APBA2: variants seen among roughly 807,000 people sequenced by gnomAD.
APBA2 encodes the protein amyloid beta precursor protein binding family A member 2, also known as amyloid-beta A4 precursor protein-binding family A member 2.
In APBA2, 30 loss-of-function variants were observed where a neutral mutation model predicts 75.0. The observed-to-expected ratio is 0.40, with a 90% confidence interval of 0.30 to 0.54. The LOEUF (loss-of-function observed/expected upper bound fraction) is 0.54, where lower values mean the gene tolerates loss of function less well. Ranked by LOEUF, APBA2 falls within the 20% of genes least tolerant of loss-of-function variation. The pLI is 0.49. For synonymous variants in APBA2, 444 were observed against 409.6 expected, an observed-to-expected ratio of 1.08 and a Z score of -1.01; for missense variants, 801 against 1,016.1, an observed-to-expected ratio of 0.79 and a Z score of 2.88.
chr15:29,107,222 C>A (rs1324622144), intron 12 of APBA2, among the ~76,000 whole-genome samples: 4 of 152,144 alleles, frequency 2.6e-5, no homozygotes, highest in Admixed American at 6.5e-5. Flanking sequence ...GGTGGGGCAC[C>A]CTGCATGGGT....
At chr15:29,073,858 C>A (rs1338091647) in intron 4 of APBA2, among the ~76,000 whole-genome samples, 1 of 152,166 alleles carries the variant, frequency 6.6e-6, no homozygotes, top group African/African-American at 2.4e-5. Context: ...ATATACCTAA[C>A]CTTAAATTTT....
intron 4 of APBA2, among the ~76,000 whole-genome samples, chr15:29,056,611 T>TC (rs1189985445): frequency 0.033 from 115 of 3,524 alleles, no homozygotes; most frequent in African/African-American, 0.076. Context: ...CCTCCCTCCC[T>TC]CCTTCTCTCC....
Position 29,013,273 on chromosome 15 carries a change from C to CTTTT in APBA2, c.-41+17488_-41+17491dup, listed in dbSNP as rs560518234. ...ATGTCATATAGGAAAATGAGTCATT[C>CTTTT]TTTTTTTTTTTTTTTTTTTTTTTTG... On this transcript the variant is annotated intron_variant, in intron 3 of 14. Transcript: ENST00000683413. Among the ~76,000 whole-genome samples the CTTTT allele has an allele frequency of 9.4e-3, 805 of 85,628 alleles. 4 individuals are homozygous for CTTTT. The highest frequency in any genetic ancestry group is 0.022 in the South Asian group (51 of 2,348). The allele number at this position is 85,628 out of a possible 152,430, so 56.2% of individuals were successfully genotyped here. A position where few individuals can be genotyped will look rare whatever the true frequency, so the allele number is the denominator to read the frequency against.
intron 3 of APBA2, among the ~76,000 whole-genome samples, chr15:29,005,865 A>G (rs1004566131): frequency 1.0e-5 from 1 of 95,776 alleles, no homozygotes; most frequent in African/African-American, 1.5e-4. Context: ...CTCTGTCTCA[A>G]AATAAATAAA....
intron 1 of APBA2, among the ~76,000 whole-genome samples, chr15:28,916,985 C>T (rs1174191916): frequency 6.6e-6 from 1 of 152,072 alleles, no homozygotes; most frequent in East Asian, 1.9e-4. Flanking sequence ...TGAAAGGCTT[C>T]ATTCTAAAGA....
In APBA2 at chr15:29,033,965, A is replaced by C. The variant is rs373900634; in HGVS notation, c.-40-19880A>C. On this transcript the variant is annotated intron_variant, in intron 3 of 14. Coordinates refer to ENST00000683413, the MANE Select transcript of APBA2 (RefSeq NM_001353788.2). ...GGGCGACAGAGTGAGACTCCATCTC[A>C]AAAAAAAAAAAAAAAAAAAAAAAAG... Among the ~76,000 whole-genome samples, 13 of 60,806 alleles carry C rather than the reference A, an allele frequency of 2.1e-4. No homozygotes were observed. In the African/African-American group the frequency reaches 2.8e-3, roughly 13 times the overall value. The allele number at this position is 60,806 out of a possible 152,430, so 39.9% of individuals were successfully genotyped here.
chr15:29,022,461 A>C (rs1039145697), intron 3 of APBA2, among the ~76,000 whole-genome samples: 1 of 152,164 alleles, frequency 6.6e-6, no homozygotes, highest in Non-Finnish European at 1.5e-5. Context: ...ATTTTACAAT[A>C]AGTCTTTAGT....
rs368192743 is a variant in APBA2 at position 29,114,823 on chromosome 15, CGTGT to C, written c.2178+815_2178+818del. ...GTGTGGGTGAGTGTATGCGGATGTA[CGTGT>C]GTGTGTGAGAGCATGGGGTGTGTAG... On this transcript the variant is annotated intron_variant, in intron 14 of 14. Transcript: ENST00000683413. Among the ~76,000 whole-genome samples, 131 of 143,390 alleles carry C rather than the reference CGTGT, an allele frequency of 9.1e-4. 2 individuals are homozygous for C. Among genetic ancestry groups the C allele is most frequent in the African/African-American group, 3.1e-3 (116 of 37,974 alleles). 94.1% of individuals were successfully genotyped at this position (143,390 alleles called of 152,430 possible). A position where few individuals can be genotyped will look rare whatever the true frequency, so the allele number is the denominator to read the frequency against.
At chr15:29,116,570 G>A (rs1020811796) in intron 14 of APBA2, among the ~76,000 whole-genome samples, 1 of 150,774 alleles carries the variant, frequency 6.6e-6, no homozygotes, top group Non-Finnish European at 1.5e-5. Context: ...AGAGCTTGCA[G>A]TGAGCCGAGA....
intron 3 of APBA2, among the ~76,000 whole-genome samples, chr15:28,999,978 C>A (rs2152800150): frequency 6.6e-6 from 1 of 152,254 alleles, no homozygotes; most frequent in African/African-American, 2.4e-5. Flanking sequence ...ATGTCCCAGT[C>A]AAGCAGTCAG....
chr15:29,109,651 C>T (rs1022828588), intron 13 of APBA2, among the ~76,000 whole-genome samples: 2 of 152,186 alleles, frequency 1.3e-5, no homozygotes, highest in Admixed American at 6.5e-5. Flanking sequence ...AGCTCAGCCA[C>T]GGACCCATGG....
chr15:28,925,988 T>C (rs1424504182), intron 2 of APBA2, among the ~76,000 whole-genome samples: 1 of 152,220 alleles, frequency 6.6e-6, no homozygotes, highest in African/African-American at 2.4e-5. Context: ...AAATTAATAA[T>C]GGTACTCCAA....
chr15:28,899,931 C>G (rs909050594), intron 1 of APBA2, among the ~76,000 whole-genome samples: 1 of 152,162 alleles, frequency 6.6e-6, no homozygotes, highest in Admixed American at 6.5e-5. Flanking sequence ...AGATGCTTTG[C>G]GACACAGTGG....
chr15:29,101,680 C>T lies in APBA2; in HGVS notation c.1420C>T (p.Arg474Cys), dbSNP rs1287794300. 4.3e-6 allele frequency: 7 copies of T among 1,613,560 alleles called. No homozygotes were observed. The highest frequency in any genetic ancestry group is 5.9e-6 in the Non-Finnish European group (7 of 1,180,020). The change falls in exon 10 of 15, where the codon CGC becomes TGC. Residue 474 changes from arginine (R) to cysteine (C), a missense_variant. Transcript: ENST00000683413. Reference protein sequence around the residue: ...GNIVVLMARRRMPRSASQDCI... With the variant: ...GNIVVLMARRCMPRSASQDCI... ...CATTGTAGTGCTGATGGCCAGACGC[C>T]GCATGCCCCGGTCAGCCTCTCAGGA...
chr15:28,995,609 TC>T (rs2038476531), intron 2 of APBA2, 143 bp from the exon 3 acceptor site: 2 of 152,236 alleles, frequency 1.3e-5, no homozygotes, highest in African/African-American at 2.4e-5. Flanking sequence ...TCTGATTATC[TC>T]ATTAGAATTA....
intron 3 of APBA2, among the ~76,000 whole-genome samples, chr15:29,045,613 G>A (rs2041285234): frequency 6.6e-6 from 1 of 152,142 alleles, no homozygotes; most frequent in African/African-American, 2.4e-5. Flanking sequence ...GAGAGCTTGT[G>A]TTGCTTACCG....
At chr15:29,077,375 T>C (rs961882871) in intron 6 of APBA2, among the ~76,000 whole-genome samples, 2 of 152,102 alleles carry the variant, frequency 1.3e-5, no homozygotes, top group African/African-American at 4.8e-5. Context: ...GTCACACTGC[T>C]CCAGTGAGGC....
chr15:28,998,235 C>G (rs1303798295), intron 3 of APBA2, among the ~76,000 whole-genome samples: 1 of 149,232 alleles, frequency 6.7e-6, no homozygotes, highest in Non-Finnish European at 1.5e-5. Flanking sequence ...AATTCTAGGC[C>G]TCACTATATC....
chr15:29,116,399 G>C (rs190831441), intron 14 of APBA2, among the ~76,000 whole-genome samples: 1 of 152,084 alleles, frequency 6.6e-6, no homozygotes, highest in Non-Finnish European at 1.5e-5. Flanking sequence ...GGCCGAGGCG[G>C]GCGTATCACG....
Sources: gnomAD v4.1 joint callset for allele counts (sites outside exome capture counted in the v4.1 genomes callset) on GRCh38, gnomAD v4.1.1 for gene constraint, MANE v1.5 for transcripts, NCBI Gene and HGNC (gene_info 2026-07-23, HGNC 2026-07-21) for gene names.